Variants in DCLK1 observed in about 807,000 individuals in gnomAD.
DCLK1 encodes serine/threonine-protein kinase DCLK1.
DCLK1 carries 16 observed loss-of-function variants against 86.2 expected under a neutral mutation model. The observed-to-expected ratio is 0.19, with a 90% CI of 0.13 to 0.28. DCLK1 has a LOEUF of 0.28. Ranked by LOEUF, DCLK1 falls within the 10% of genes least tolerant of loss-of-function variation. DCLK1 has a pLI of 1.00. For missense variants in DCLK1, 590 were observed against 940.2 expected (o/e 0.63, Z 4.87); for synonymous variants, 369 against 370.5 (o/e 1.00, Z 0.05).
intron 3 of DCLK1, among the ~76,000 whole-genome samples, chr13:36,062,022 C>T (rs939253824): frequency 6.6e-6 from 1 of 152,150 alleles, no homozygotes; most frequent in Non-Finnish European, 1.5e-5. Context: ...TCGTCAGGTA[C>T]AATTCTGTTT....
chr13:35,829,631 C>T (rs1825349541), intron 8 of DCLK1, among the ~76,000 whole-genome samples: 1 of 152,164 alleles, frequency 6.6e-6, no homozygotes, highest in Non-Finnish European at 1.5e-5. Flanking sequence ...CCTAAAAATG[C>T]TTCTTCCATG....
intron 16 of DCLK1, among the ~76,000 whole-genome samples, chr13:35,780,152 TTACTC>T (rs773069027): frequency 5.9e-5 from 9 of 152,090 alleles, no homozygotes; most frequent in Non-Finnish European, 1.3e-4. Context: ...ATGGCTAGCT[TTACTC>T]TTTATCAATC....
chr13:35,788,405 A>C, intron 16 of DCLK1: 1 of 858,456 alleles, frequency 1.2e-6, no homozygotes, highest in East Asian at 2.6e-5. Context: ...CCTCTTCTGC[A>C]GGGTAACTAG....
chr13:35,839,396 G>A (rs1869631109), intron 6 of DCLK1, among the ~76,000 whole-genome samples: 1 of 152,134 alleles, frequency 6.6e-6, no homozygotes, highest in Admixed American at 6.6e-5. Context: ...GATCAAGCTG[G>A]TTATTGTGAA....
intron 3 of DCLK1, among the ~76,000 whole-genome samples, chr13:36,096,879 A>C (rs1451975025): frequency 2.0e-5 from 3 of 152,134 alleles, no homozygotes; most frequent in African/African-American, 7.2e-5. Flanking sequence ...TGAACATGAA[A>C]GCTTTCTTCT....
intron 6 of DCLK1, among the ~76,000 whole-genome samples, chr13:35,853,993 T>C (rs943353902): frequency 6.6e-6 from 1 of 152,134 alleles, no homozygotes. Context: ...AAATTCTCCA[T>C]AAATGCAAGT....
chr13:36,010,274 C>T (rs1229444460), intron 3 of DCLK1, among the ~76,000 whole-genome samples: 128 of 110,692 alleles, frequency 1.2e-3, no homozygotes, highest in Middle Eastern at 5.4e-3. Context: ...TGAATAGGAG[C>T]GGTGAGAGAG....
chr13:35,961,371 A>G (rs996466969), intron 3 of DCLK1, among the ~76,000 whole-genome samples: 2 of 152,222 alleles, frequency 1.3e-5, no homozygotes, highest in African/African-American at 4.8e-5. Context: ...GAGCAAAATA[A>G]ATCAGTGGTT....
At chr13:35,808,115 C>T in intron 14 of DCLK1, 109 bp downstream of exon 14, 2 of 1,074,320 alleles carry the variant, frequency 1.9e-6, no homozygotes, top group Non-Finnish European at 1.4e-6. Flanking sequence ...AAAATGTGTA[C>T]AGAAATCATA....
In DCLK1 at chr13:35,936,962, C is replaced by CT. The variant is rs140269668; in HGVS notation, c.823+10395dup. On this transcript the variant is annotated intron_variant, in intron 4 of 16. Transcript: ENST00000360631. ...TTAAAACATCCAAAAGAAAAGTTAG[C>CT]TTTTTTTTTTTTTTTTTTTTTTTTT... Among the ~76,000 whole-genome samples, 405 of 65,732 alleles carry CT rather than the reference C, an allele frequency of 6.2e-3. 16 individuals are homozygous for CT. Among genetic ancestry groups the CT allele is most frequent in the Middle Eastern group, 0.016 (2 of 124 alleles). The allele number at this position is 65,732 out of a possible 152,430, so 43.1% of individuals were successfully genotyped here.
intron 3 of DCLK1, among the ~76,000 whole-genome samples, chr13:36,053,825 T>G (rs377163465): frequency 3.9e-5 from 6 of 152,034 alleles, no homozygotes; most frequent in African/African-American, 1.2e-4. Flanking sequence ...GGGGAAGAGA[T>G]AGGTCTTGAA....
chr13:35,845,012 C>T (rs1376550958), intron 6 of DCLK1, among the ~76,000 whole-genome samples: 1 of 152,150 alleles, frequency 6.6e-6, no homozygotes, highest in East Asian at 1.9e-4. Flanking sequence ...CTTTGGGAGG[C>T]TGAGGTGGGT....
chr13:35,949,755 C>T (rs1163837175), intron 3 of DCLK1, among the ~76,000 whole-genome samples: 1 of 151,462 alleles, frequency 6.6e-6, no homozygotes, highest in African/African-American at 2.4e-5. Context: ...GCTCTTCCAT[C>T]AGTTTACTGA....
intron 3 of DCLK1, among the ~76,000 whole-genome samples, chr13:36,058,185 T>TTAAG: frequency 6.6e-6 from 1 of 152,108 alleles, no homozygotes; most frequent in East Asian, 1.9e-4. Context: ...CAAGCACACA[T>TTAAG]TAAGGATCCA....
chr13:35,921,320 C>G (rs187090921), intron 4 of DCLK1, among the ~76,000 whole-genome samples: 15 of 152,242 alleles, frequency 9.9e-5, no homozygotes, highest in African/African-American at 3.6e-4. Flanking sequence ...GTTCCCTGTA[C>G]CTGAAAGCAT....
chr13:36,083,014 G>A (rs1286837602), intron 3 of DCLK1, among the ~76,000 whole-genome samples: 1 of 145,892 alleles, frequency 6.9e-6, no homozygotes, highest in Non-Finnish European at 1.6e-5. Context: ...TATCTTCTGT[G>A]CATAAGAATC....
intron 2 of DCLK1, among the ~76,000 whole-genome samples, chr13:36,124,344 G>T (rs1203998304): frequency 2.6e-5 from 4 of 152,152 alleles, no homozygotes. Flanking sequence ...TCCACCCTCT[G>T]AATAGAAGGA....
chr13:35,969,396 G>A (rs1180913083), intron 3 of DCLK1, among the ~76,000 whole-genome samples: 1 of 152,160 alleles, frequency 6.6e-6, no homozygotes, highest in Non-Finnish European at 1.5e-5. Flanking sequence ...GAACATGGAG[G>A]TAGAGATTGA....
intron 3 of DCLK1, among the ~76,000 whole-genome samples, chr13:36,012,033 G>A (rs1881296156): frequency 1.4e-5 from 2 of 145,048 alleles, no homozygotes. Context: ...TGTTTTATCA[G>A]AGACTAGGAT....
Sources: allele counts gnomAD v4.1 joint callset (sites outside exome capture counted in the v4.1 genomes callset), GRCh38; gene constraint gnomAD v4.1.1; transcripts MANE v1.5; gene names NCBI Gene and HGNC (gene_info 2026-07-23, HGNC 2026-07-21).